Variants in HYAL4 observed in about 807,000 individuals in gnomAD.
The protein encoded by HYAL4 is hyaluronidase 4, also known as hyaluronidase-4.
A neutral mutation model predicts 35.2 loss-of-function variants in HYAL4; 37 were observed. That is an observed-to-expected ratio of 1.05 (90% CI 0.81 to 1.38). The LOEUF (loss-of-function observed/expected upper bound fraction) is 1.38. Among genes scored for constraint, HYAL4 ranks in the 40% most tolerant of loss-of-function variants. The pLI, the probability that HYAL4 is intolerant of heterozygous loss-of-function variation, is 0.00. For missense variants in HYAL4, 572 were observed against 572.4 expected (o/e 1.00, Z 0.01); for synonymous variants, 198 against 203.2 (o/e 0.97, Z 0.22).
At chr7:123,824,373 G>C (rs1364340382), upstream of HYAL4, among the ~76,000 whole-genome samples, 1 of 152,112 alleles carries the variant, frequency 6.6e-6, no homozygotes, top group East Asian at 1.9e-4. Context: ...CTTTTGTTCA[G>C]CTAATTCAAA....
chr7:123,842,035 C>T (rs186448857), upstream of HYAL4, among the ~76,000 whole-genome samples: 185 of 152,000 alleles, frequency 1.2e-3, no homozygotes, highest in Admixed American at 0.011. Flanking sequence ...TGGCCTTCTG[C>T]TAGCTTTTGA....
the HYAL4 span, among the ~76,000 whole-genome samples, chr7:123,786,805 G>A: frequency 6.6e-6 from 1 of 151,738 alleles, no homozygotes; most frequent in Non-Finnish European, 1.5e-5. Flanking sequence ...TGAGACTTGG[G>A]TGAATAAAGT....
chr7:123,832,735 T>C (rs1805904794), intron 1 of HYAL4, among the ~76,000 whole-genome samples: 1 of 152,104 alleles, frequency 6.6e-6, no homozygotes, highest in South Asian at 2.1e-4. Flanking sequence ...TCTCCAGACC[T>C]CATGATCTGC....
At chr7:123,785,943 G>GAAAAC in the HYAL4 span, among the ~76,000 whole-genome samples, 5,656 of 150,964 alleles carry the variant, frequency 0.037, 142 homozygotes, top group African/African-American at 0.054. This position sits in a 1 kb window ranked among gnomAD's most constrained non-coding sequence, Gnocchi z 4.5. Flanking sequence ...GTAGAAACAA[G>GAAAAC]AAAACAAAAC....
At chr7:123,819,401 T>G in the HYAL4 span, 1 of 152,542 alleles carries the variant, frequency 6.6e-6, no homozygotes, top group African/African-American at 2.4e-5. Flanking sequence ...AGTAATATTG[T>G]GGGGAGGATA....
intron 1 of HYAL4, among the ~76,000 whole-genome samples, chr7:123,839,311 T>C (rs1002544980): frequency 1.3e-5 from 2 of 152,188 alleles, no homozygotes; most frequent in African/African-American, 4.8e-5. Context: ...GCAAAGGACA[T>C]GAACTCATCC....
chr7:123,795,862 T>C, the HYAL4 span, among the ~76,000 whole-genome samples: 1 of 152,202 alleles, frequency 6.6e-6, no homozygotes, highest in African/African-American at 2.4e-5. Context: ...GTCACAGTAC[T>C]GCATCATGGT....
the HYAL4 span, among the ~76,000 whole-genome samples, chr7:123,822,387 A>G: frequency 6.6e-6 from 1 of 152,038 alleles, no homozygotes; most frequent in African/African-American, 2.4e-5. Flanking sequence ...TAAGTATTTT[A>G]TTATTTTTAA....
the HYAL4 span, among the ~76,000 whole-genome samples, chr7:123,787,264 A>C: frequency 6.6e-6 from 1 of 152,196 alleles, no homozygotes; most frequent in African/African-American, 2.4e-5. Flanking sequence ...GGGGCATTAT[A>C]TAGTTATCCC....
the HYAL4 span, among the ~76,000 whole-genome samples, chr7:123,806,344 G>T: frequency 6.6e-6 from 1 of 152,172 alleles, no homozygotes; most frequent in African/African-American, 2.4e-5. Flanking sequence ...TTTTCCTTTC[G>T]TGTGGAGGCT....
chr7:123,828,390 T>C (rs1805830810), upstream of HYAL4, among the ~76,000 whole-genome samples: 1 of 150,540 alleles, frequency 6.6e-6, no homozygotes, highest in Admixed American at 6.7e-5. Context: ...CGTAAATGTT[T>C]AAAAAGCACA....
intron 4 of HYAL4, among the ~76,000 whole-genome samples, chr7:123,875,572 A>G (rs1411387348): frequency 1.3e-5 from 2 of 151,058 alleles, no homozygotes; most frequent in East Asian, 3.9e-4. Context: ...CAGGAGAATC[A>G]CTTGAAGCTG....
chr7:123,851,827 C>A (rs1426512399), intron 2 of HYAL4, among the ~76,000 whole-genome samples: 2 of 152,190 alleles, frequency 1.3e-5, no homozygotes, highest in Non-Finnish European at 2.9e-5. Flanking sequence ...CTGTCTTCCA[C>A]AGTGGTTCAA....
At chr7:123,775,438 G>GA in the HYAL4 span, among the ~76,000 whole-genome samples, 39 of 146,544 alleles carry the variant, frequency 2.7e-4, no homozygotes, top group Non-Finnish European at 2.9e-4. Context: ...CTTTAAAAAA[G>GA]AAAAAAAAAT....
chr7:123,843,009 A>T (rs574083734), upstream of HYAL4, among the ~76,000 whole-genome samples: 11 of 152,074 alleles, frequency 7.2e-5, no homozygotes, highest in African/African-American at 2.2e-4. Context: ...TTTAAGGTTA[A>T]TATTGTTATG....
chr7:123,811,664 A>C, the HYAL4 span, among the ~76,000 whole-genome samples: 1 of 152,064 alleles, frequency 6.6e-6, no homozygotes, highest in African/African-American at 2.4e-5. Flanking sequence ...TCTTTCACAG[A>C]TGAGATGTTT....
At chr7:123,858,034 C>T (rs996345994) in intron 2 of HYAL4, among the ~76,000 whole-genome samples, 1 of 151,800 alleles carries the variant, frequency 6.6e-6, no homozygotes, top group Non-Finnish European at 1.5e-5. Context: ...CTGTCTCTGC[C>T]AAAATATAAA....
At chr7:123,776,462 C>T in the HYAL4 span, among the ~76,000 whole-genome samples, 2 of 152,252 alleles carry the variant, frequency 1.3e-5, no homozygotes, top group East Asian at 1.9e-4. Context: ...GTTGCACAAA[C>T]GAGTGCAGCA....
chr7:123,827,297 C>T (rs999464596), upstream of HYAL4, among the ~76,000 whole-genome samples: 2 of 152,034 alleles, frequency 1.3e-5, 1 homozygote, highest in Non-Finnish European at 2.9e-5. Context: ...GTTCTGGAAG[C>T]TAAGTGAAGA....
Sources: allele counts gnomAD v4.1 joint callset (sites outside exome capture counted in the v4.1 genomes callset), GRCh38; gene constraint gnomAD v4.1.1; non-coding constraint Gnocchi (gnomAD v3.1); transcripts MANE v1.5; gene names NCBI Gene and HGNC (gene_info 2026-07-23, HGNC 2026-07-21).